The following FBXL7 variants were observed in gnomAD, a reference collection of about 807,000 sequenced individuals.
FBXL7 encodes the protein F-box/LRR-repeat protein 7.
Under a neutral mutation model 38.3 loss-of-function variants are expected in FBXL7, and 12 were observed. The ratio of observed to expected loss-of-function variants is 0.31; its 90% CI spans 0.20 to 0.51. The LOEUF (loss-of-function observed/expected upper bound fraction) is 0.51, where lower values mean the gene tolerates loss of function less well. FBXL7 is among the 20% of genes least tolerant of loss of function. The pLI is 0.98. For synonymous variants in FBXL7, 297 were observed against 300.9 expected (o/e 0.99, Z 0.13); for missense variants, 567 against 676.4 (o/e 0.84, Z 1.79).
chr5:15,809,374 G>A (rs1737795484), intron 2 of FBXL7, among the ~76,000 whole-genome samples: 1 of 152,146 alleles, frequency 6.6e-6, no homozygotes, highest in African/African-American at 2.4e-5. Flanking sequence ...AACAGACCTG[G>A]ATTGAAATCC....
chr5:15,590,198 T>G (rs1371389486), intron 1 of FBXL7, among the ~76,000 whole-genome samples: 1 of 152,130 alleles, frequency 6.6e-6, no homozygotes, highest in Non-Finnish European at 1.5e-5. Flanking sequence ...TCATCCTAGG[T>G]GCCACCTGGA....
At chr5:15,746,403 G>C (rs1005650953) in intron 2 of FBXL7, among the ~76,000 whole-genome samples, 1 of 152,102 alleles carries the variant, frequency 6.6e-6, no homozygotes, top group African/African-American at 2.4e-5. Context: ...TAGACTGGGT[G>C]GGTTATACAC....
chr5:15,895,901 C>G (rs1343452992), intron 2 of FBXL7, among the ~76,000 whole-genome samples: 2 of 151,992 alleles, frequency 1.3e-5, no homozygotes, highest in African/African-American at 4.8e-5. Flanking sequence ...TCCTCAGCCT[C>G]CCAAAGTGCT....
intron 2 of FBXL7, among the ~76,000 whole-genome samples, chr5:15,617,863 T>A (rs549949812): frequency 6.6e-6 from 1 of 152,340 alleles, no homozygotes; most frequent in African/African-American, 2.4e-5. Context: ...CTACCGTTGT[T>A]TTACAGTCAC....
At chr5:15,573,622 GA>G (rs1007383030) in intron 1 of FBXL7, among the ~76,000 whole-genome samples, 2 of 152,074 alleles carry the variant, frequency 1.3e-5, no homozygotes, top group East Asian at 3.9e-4. Context: ...TCTTCCTCAG[GA>G]AAAAAGATGT....
chr5:15,652,217 C>T (rs1392327317), intron 2 of FBXL7, among the ~76,000 whole-genome samples: 2 of 152,186 alleles, frequency 1.3e-5, no homozygotes, highest in Admixed American at 1.3e-4. Flanking sequence ...TAGGCTATTT[C>T]ACTATCTTAT....
intron 1 of FBXL7, among the ~76,000 whole-genome samples, chr5:15,517,931 G>A (rs1736987273): frequency 6.6e-6 from 1 of 152,168 alleles, no homozygotes; most frequent in Non-Finnish European, 1.5e-5. Flanking sequence ...GGGTAGACTA[G>A]CATTGGCGTC....
intron 2 of FBXL7, among the ~76,000 whole-genome samples, chr5:15,835,433 A>C (rs189178780): frequency 7.2e-5 from 11 of 152,318 alleles, no homozygotes; most frequent in Admixed American, 1.3e-4. Context: ...TATGCGATAG[A>C]ATTTTTAAGA....
chr5:15,505,474 G>A (rs1406399526), intron 1 of FBXL7, among the ~76,000 whole-genome samples: 3 of 152,148 alleles, frequency 2.0e-5, no homozygotes, highest in Non-Finnish European at 4.4e-5. Context: ...CTTAGGATAA[G>A]TCAGTAAACA....
rs56810372 is a variant in FBXL7, at chr5:15,541,443, GTATATATATATATATATATATATA to G, written c.37+40745_37+40768del. Among the ~76,000 whole-genome samples the G allele has an allele frequency of 1.3e-3, 50 of 38,444 alleles. No homozygotes were observed. In the East Asian group the frequency reaches 0.025, roughly 19 times the overall value. The allele number at this position is 38,444 out of a possible 152,430, so 25.2% of individuals were successfully genotyped here. On this transcript the variant is annotated intron_variant, in intron 1 of 3. Coordinates refer to ENST00000504595, the MANE Select transcript of FBXL7 (RefSeq NM_012304.5). ...ACATATAGTATATATGTGTGTGTGT[GTATATATATATATATATATATATA>G]TATATATATATATAAAGGTATAGCC...
intron 2 of FBXL7, among the ~76,000 whole-genome samples, chr5:15,798,981 C>T (rs1737488074): frequency 6.6e-6 from 1 of 152,144 alleles, no homozygotes; most frequent in South Asian, 2.1e-4. Flanking sequence ...ATTGACACAG[C>T]CCCCTTTGCA....
chr5:15,501,793 A>G, intron 1 of FBXL7: 1 of 962,250 alleles, frequency 1.0e-6, no homozygotes, highest in South Asian at 4.8e-5. Flanking sequence ...CAAAAACCAT[A>G]TCCACAAGAA....
chr5:15,691,453 T>G (rs1054584055), intron 2 of FBXL7, among the ~76,000 whole-genome samples: 4 of 152,214 alleles, frequency 2.6e-5, no homozygotes, highest in African/African-American at 9.6e-5. Flanking sequence ...TGCCGTCATT[T>G]GGCTCTTTCT....
At chr5:15,648,562 A>G (rs1741609724) in intron 2 of FBXL7, among the ~76,000 whole-genome samples, 2 of 152,252 alleles carry the variant, frequency 1.3e-5, no homozygotes, top group African/African-American at 2.4e-5. Context: ...GAACAGTTCA[A>G]TATTCACAGT....
intron 2 of FBXL7, among the ~76,000 whole-genome samples, chr5:15,804,354 A>G (rs1410170958): frequency 1.3e-5 from 2 of 152,134 alleles, no homozygotes; most frequent in Non-Finnish European, 2.9e-5. Context: ...CTATAGTCCC[A>G]GCTACTCCAG....
intron 1 of FBXL7, among the ~76,000 whole-genome samples, chr5:15,560,779 C>T (rs770125480): frequency 9.9e-5 from 15 of 152,216 alleles, no homozygotes; most frequent in South Asian, 2.1e-4. Context: ...TCATTGTCCC[C>T]GCTGGGATGT....
intron 1 of FBXL7, 62 bp downstream of exon 1, chr5:15,500,775 T>C: frequency 6.4e-7 from 1 of 1,574,010 alleles, no homozygotes; most frequent in Non-Finnish European, 8.7e-7. Context: ...TCCCTCGCCC[T>C]CCCGACTGGG....
intron 2 of FBXL7, among the ~76,000 whole-genome samples, chr5:15,900,557 C>T (rs1561181813): frequency 1.3e-5 from 2 of 152,096 alleles, no homozygotes; most frequent in Non-Finnish European, 2.9e-5. Context: ...TTATAATTCC[C>T]AGCAAACGTT....
chr5:15,741,332 T>C (rs17602533), intron 2 of FBXL7, among the ~76,000 whole-genome samples: 15,764 of 152,264 alleles, frequency 0.1, 985 homozygotes, highest in South Asian at 0.16. Context: ...AAACATGAGA[T>C]CTACTTCCGT....
Sources: allele counts gnomAD v4.1 joint callset (sites outside exome capture counted in the v4.1 genomes callset), GRCh38; gene constraint gnomAD v4.1.1; transcripts MANE v1.5; gene names NCBI Gene and HGNC (gene_info 2026-07-23, HGNC 2026-07-21).